ITPR1: variants seen among roughly 807,000 people sequenced by gnomAD.
ITPR1 encodes inositol 1,4,5-trisphosphate receptor type 1, also known as inositol 1,4,5-trisphosphate-gated calcium channel ITPR1.
Under a neutral mutation model 318.4 loss-of-function variants are expected in ITPR1, and 96 were observed. The observed-to-expected ratio is 0.30, with a 90% CI of 0.26 to 0.36. The LOEUF is 0.36. Among genes scored for constraint, ITPR1 ranks in the 10% least tolerant of loss-of-function variants. The probability of loss-of-function intolerance (pLI) is 1.00; values close to 1 mark genes in which losing one functional copy is unlikely to be tolerated. For synonymous variants in ITPR1, 1,312 were observed against 1,289.9 expected, an observed-to-expected ratio of 1.02 and a Z score of -0.37; for missense variants, 2,440 against 3,460.2, an observed-to-expected ratio of 0.71 and a Z score of 7.40.
chr3:4,683,863 C>A, intron 28 of ITPR1, 65 bp downstream of exon 28: 1 of 1,424,222 alleles, frequency 7.0e-7, no homozygotes. Context: ...AGGGAGCATC[C>A]TCTTCTGGTT....
At position 4,711,872 on chromosome 3, in the gene ITPR1, C is replaced by CT; in HGVS notation, c.5103+5dup. 1 of 1,421,970 alleles carries CT rather than the reference C, an allele frequency of 7.0e-7. No homozygotes were observed. The highest frequency in any genetic ancestry group is 9.6e-7 in the Non-Finnish European group (1 of 1,047,114). The allele number at this position is 1,421,970 out of a possible 1,614,324, so 88.1% of individuals were successfully genotyped here. A position where few individuals can be genotyped will look rare whatever the true frequency, so the allele number is the denominator to read the frequency against. The stretch of plus-strand genomic sequence containing the variant: ...AGATAGAGGCTATGGAGAAAAGGTA[C>CT]TGCATTTTATTTTCATGGTCAAACC... On this transcript the variant is annotated splice_donor_region_variant and intron_variant, in intron 39 of 61. Coordinates refer to ENST00000649015, the MANE Select transcript of ITPR1 (RefSeq NM_001378452.1).
intron 44 of ITPR1, among the ~76,000 whole-genome samples, chr3:4,741,959 G>C (rs1210935576): frequency 6.6e-6 from 1 of 152,142 alleles, no homozygotes; most frequent in Non-Finnish European, 1.5e-5. Flanking sequence ...CTGCACGTGG[G>C]GGTTCGAGAG....
chr3:4,788,167 C>G, intron 52 of ITPR1, 28 bp downstream of exon 52: 5 of 1,545,698 alleles, frequency 3.2e-6, no homozygotes, highest in Non-Finnish European at 4.4e-6. Flanking sequence ...AGCAACAACA[C>G]AGAGAGACAC....
At chr3:4,755,155 C>T (rs533220068) in intron 44 of ITPR1, among the ~76,000 whole-genome samples, 17 of 145,562 alleles carry the variant, frequency 1.2e-4, no homozygotes, top group South Asian at 2.2e-4. Context: ...GGGCTTCCTA[C>T]GATAATACCT....
chr3:4,519,236 T>A (rs1301113892), intron 3 of ITPR1, among the ~76,000 whole-genome samples: 1 of 152,144 alleles, frequency 6.6e-6, no homozygotes, highest in Non-Finnish European at 1.5e-5. Context: ...TATTTATTTT[T>A]TTTTTTCTTG....
At chr3:4,553,556 G>A (rs190833520) in intron 4 of ITPR1, among the ~76,000 whole-genome samples, 2 of 151,390 alleles carry the variant, frequency 1.3e-5, no homozygotes, top group Admixed American at 1.3e-4. Flanking sequence ...TCAGCCTCCT[G>A]AGTAGCTGGG....
chr3:4,657,684 G>A (rs1161996100), intron 12 of ITPR1, among the ~76,000 whole-genome samples: 2 of 132,354 alleles, frequency 1.5e-5, no homozygotes, highest in African/African-American at 5.9e-5. Flanking sequence ...GGCTGGTCTT[G>A]AACTCCCGAA....
rs1326104851 is a variant in ITPR1, at chr3:4,847,470, TA to T, written c.*1250del. 2 of 152,012 alleles carry T rather than the reference TA, an allele frequency of 1.3e-5. No homozygotes were observed. Among genetic ancestry groups the T allele is most frequent in the Non-Finnish European group, 2.9e-5 (2 of 67,990 alleles). The allele number at this position is 152,012 out of a possible 1,614,324, so 9.4% of individuals were successfully genotyped here. A position where few individuals can be genotyped will look rare whatever the true frequency, so the allele number is the denominator to read the frequency against. On this transcript the variant is annotated 3_prime_UTR_variant, in exon 62 of 62. Coordinates refer to ENST00000649015, the MANE Select transcript of ITPR1 (RefSeq NM_001378452.1). ...TGAGTAAAGTTTGTAAATGCATATA[TA>T]AAAATATTTAATAAATGATGCAGAA...
chr3:4,685,054 C>T lies in ITPR1; in HGVS notation c.3565-15C>T. Reference sequence around the variant, plus strand: ...GTTCCTAGTTTTCTGAGACTGATTTCTTTCATTCTACTAGATTTTGATTCG... The same window carrying T: ...GTTCCTAGTTTTCTGAGACTGATTTTTTTCATTCTACTAGATTTTGATTCG... On this transcript the variant is annotated splice_polypyrimidine_tract_variant and intron_variant, in intron 29 of 61. Transcript: ENST00000649015. The T allele has an allele frequency of 1.2e-6, 2 of 1,604,470 alleles. 1 individual carries two copies. The highest frequency in any genetic ancestry group is 3.3e-4 in the Middle Eastern group (2 of 6,046).
chr3:4,591,028 C>T (rs774671902), intron 4 of ITPR1, among the ~76,000 whole-genome samples: 1 of 152,160 alleles, frequency 6.6e-6, no homozygotes, highest in Non-Finnish European at 1.5e-5. Context: ...GCCTCCAGCT[C>T]CATTCGTGTT....
chr3:4,583,084 A>T (rs2089519456), intron 4 of ITPR1, among the ~76,000 whole-genome samples: 1 of 152,240 alleles, frequency 6.6e-6, no homozygotes, highest in Non-Finnish European at 1.5e-5. Context: ...GAGAAGAAGA[A>T]GATTTCTAAA....
At chr3:4,820,670 G>A (rs1255309564) in intron 60 of ITPR1, among the ~76,000 whole-genome samples, 1 of 152,192 alleles carries the variant, frequency 6.6e-6, no homozygotes, top group African/African-American at 2.4e-5. Flanking sequence ...CAGCATCAAG[G>A]AATTCTTCTC....
chr3:4,704,526 C>T (rs964397783), intron 36 of ITPR1, among the ~76,000 whole-genome samples: 3 of 152,018 alleles, frequency 2.0e-5, no homozygotes, highest in Admixed American at 1.3e-4. Flanking sequence ...CAAACCTGCA[C>T]GGGTACCCCC....
chr3:4,579,936 T>C (rs2089126073), intron 4 of ITPR1, among the ~76,000 whole-genome samples: 1 of 152,124 alleles, frequency 6.6e-6, no homozygotes, highest in South Asian at 2.1e-4. Context: ...ATTAGCCAGG[T>C]GCGGTGGCTC....
At chr3:4,778,709 G>T (rs994333358) in intron 48 of ITPR1, among the ~76,000 whole-genome samples, 6 of 152,150 alleles carry the variant, frequency 3.9e-5, no homozygotes, top group African/African-American at 1.4e-4. Flanking sequence ...GCATTTGAGT[G>T]ACTTTTTCAA....
intron 2 of ITPR1, among the ~76,000 whole-genome samples, chr3:4,500,477 C>T (rs1395904373): frequency 7.6e-6 from 1 of 132,034 alleles, no homozygotes; most frequent in Admixed American, 8.0e-5. Flanking sequence ...GTTGGGATTA[C>T]AGGCGTGAGA....
At chr3:4,777,211 C>A in intron 47 of ITPR1, 53 bp from the exon 48 acceptor site, 1 of 1,060,624 alleles carries the variant, frequency 9.4e-7, no homozygotes, top group Non-Finnish European at 1.4e-6. Flanking sequence ...TGGCCTTTGA[C>A]GTCTGATTTA....
At chr3:4,507,099 ATTT>A (rs201789825) in intron 2 of ITPR1, among the ~76,000 whole-genome samples, 1 of 137,622 alleles carries the variant, frequency 7.3e-6, no homozygotes, top group Non-Finnish European at 1.6e-5. Context: ...AAGAGTAGCA[ATTT>A]TTTTTTTTTT....
Position 4,516,566 on chromosome 3 carries a change from AT to A in ITPR1, c.78del (p.Phe26LeufsTer38). 6.2e-7 allele frequency: 1 copy of A among 1,600,158 alleles called. No homozygotes were observed. Among genetic ancestry groups the A allele is most frequent in the Non-Finnish European group, 8.5e-7 (1 of 1,171,580 alleles). On this transcript the variant is annotated frameshift_variant, in exon 3 of 62. Coordinates refer to ENST00000649015, the MANE Select transcript of ITPR1 (RefSeq NM_001378452.1). LOFTEE classifies it high-confidence loss of function. ...TGTACGCGGAGGGATCGACAAATGG[AT>A]TTATTAGCACCTTGGGGTAAGAGCA... is the stretch of plus-strand genomic sequence containing the variant. The part of the protein sequence containing the change: ...SLYAEGSTNG[F>X]ISTLGLVDDR...
Sources: gnomAD v4.1 joint callset for allele counts (sites outside exome capture counted in the v4.1 genomes callset) on GRCh38, gnomAD v4.1.1 for gene constraint, MANE v1.5 for transcripts, NCBI Gene and HGNC (gene_info 2026-07-23, HGNC 2026-07-21) for gene names.